The following SMCHD1 variants were observed in gnomAD, a reference collection of about 807,000 sequenced individuals.
The protein encoded by SMCHD1 is structural maintenance of chromosomes flexible hinge domain containing 1.
SMCHD1 carries 78 observed loss-of-function variants against 254.7 expected under a neutral mutation model. The observed-to-expected ratio is 0.31, with a 90% CI of 0.26 to 0.37. The LOEUF (loss-of-function observed/expected upper bound fraction) is 0.37. Ranked by LOEUF, SMCHD1 falls within the 10% of genes least tolerant of loss-of-function variation. SMCHD1 has a pLI of 1.00. For missense variants in SMCHD1, 1,840 were observed against 2,408.1 expected, an observed-to-expected ratio of 0.76 and a Z score of 4.94; for synonymous variants, 766 against 794.9, an observed-to-expected ratio of 0.96 and a Z score of 0.61.
At chr18:2,757,341 G>C (rs1024929923) in intron 34 of SMCHD1, among the ~76,000 whole-genome samples, 1 of 151,908 alleles carries the variant, frequency 6.6e-6, no homozygotes, top group African/African-American at 2.4e-5. Context: ...CTCCTTAGTA[G>C]CTAGGACTAC....
At chr18:2,690,780 A>G (rs547832452) in intron 7 of SMCHD1, among the ~76,000 whole-genome samples, 16 of 151,534 alleles carry the variant, frequency 1.1e-4, no homozygotes, top group Admixed American at 2.0e-4. Flanking sequence ...CACCACGCCC[A>G]GCCTGAATTT....
chr18:2,784,420 CACTACTT>C, intron 44 of SMCHD1, 23 bp from the exon 45 acceptor site: 1 of 1,545,634 alleles, frequency 6.5e-7, no homozygotes, highest in Non-Finnish European at 8.7e-7. Context: ...ATAAGTTGCT[CACTACTT>C]ACTATTCACT....
intron 17 of SMCHD1, among the ~76,000 whole-genome samples, chr18:2,708,803 A>ATGGGGTTTGATGGGG (rs2074582009): frequency 7.2e-6 from 1 of 139,128 alleles, no homozygotes; most frequent in Non-Finnish European, 1.5e-5. Context: ...TTTAGTAGAG[A>ATGGGGTTTGATGGGG]TGGGGTTTGA....
chr18:2,685,909 T>C (rs2074041355), intron 5 of SMCHD1, among the ~76,000 whole-genome samples: 1 of 152,252 alleles, frequency 6.6e-6, no homozygotes, highest in African/African-American at 2.4e-5. Context: ...CTTTTGATAA[T>C]GCTGCTATGA....
intron 21 of SMCHD1, among the ~76,000 whole-genome samples, chr18:2,725,541 C>T (rs1266846261): frequency 6.6e-6 from 1 of 151,792 alleles, no homozygotes; most frequent in African/African-American, 2.4e-5. Context: ...GGTAATTTTT[C>T]AGTTAGGTCT....
Position 2,707,572 on chromosome 18 carries a change from T to C in SMCHD1, c.2073T>C (p.Asp691=), listed in dbSNP as rs758721278. 1 of 1,603,500 alleles carries C rather than the reference T, an allele frequency of 6.2e-7. No homozygotes were observed. ...GCTGGTTTCATAACAGGCTCCCTGA[T>C]AGATTGTCAGTAACTTGGCCTGAAG... ...YVEDEMARLP[D]RLSVTWPEGD... Residue 691 remains aspartate, a synonymous_variant, in exon 16 of 48, where the codon GAT becomes GAC. Transcript: ENST00000320876.
intron 5 of SMCHD1, among the ~76,000 whole-genome samples, chr18:2,685,608 C>G (rs1365431009): frequency 6.6e-6 from 1 of 152,068 alleles, no homozygotes; most frequent in Admixed American, 6.5e-5. Context: ...ACAGTAACTC[C>G]CTGTTGCTCC....
chr18:2,667,723 A>G (rs1418477017), intron 3 of SMCHD1, among the ~76,000 whole-genome samples: 1 of 152,196 alleles, frequency 6.6e-6, no homozygotes, highest in African/African-American at 2.4e-5. Context: ...TTATCATTTC[A>G]GACCTTTTCA....
In SMCHD1 at chr18:2,719,518, C is replaced by T. The variant is rs1224401223; in HGVS notation, c.2458+1084C>T. On this transcript the variant is annotated intron_variant, in intron 19 of 47. Coordinates refer to ENST00000320876, the MANE Select transcript of SMCHD1 (RefSeq NM_015295.3). ...TTCACTATGTTGGCCAGGCTGGTCT[C>T]GAACTTCTGACCTCATGATCTGCCC... is the stretch of plus-strand genomic sequence containing the variant. 3.3e-5 allele frequency among the ~76,000 whole-genome samples: 5 copies of T among 151,896 alleles called. 1 individual carries two copies. The East Asian group carries it at 9.7e-4, about 29-fold the overall frequency.
At chr18:2,699,738 A>C (rs2074360140) in intron 10 of SMCHD1, among the ~76,000 whole-genome samples, 1 of 152,248 alleles carries the variant, frequency 6.6e-6, no homozygotes, top group Admixed American at 6.5e-5. Context: ...AAGAGCAAGT[A>C]AGTTGAGTGA....
intron 5 of SMCHD1, among the ~76,000 whole-genome samples, chr18:2,682,165 G>A (rs2073945144): frequency 6.6e-6 from 1 of 151,530 alleles, no homozygotes; most frequent in Non-Finnish European, 1.5e-5. Flanking sequence ...CTTAAGTTTG[G>A]TGTTTTTTTT....
intron 5 of SMCHD1, among the ~76,000 whole-genome samples, chr18:2,687,764 C>G (rs2074084885): frequency 6.6e-6 from 1 of 152,072 alleles, no homozygotes; most frequent in Non-Finnish European, 1.5e-5. Context: ...TGGTTACGTT[C>G]TTTGCATCTT....
At chr18:2,795,527 G>A (rs186385530) in intron 45 of SMCHD1, among the ~76,000 whole-genome samples, 13 of 152,200 alleles carry the variant, frequency 8.5e-5, no homozygotes, top group African/African-American at 3.1e-4. Flanking sequence ...GAAACCCCCT[G>A]TTACTCATCA....
intron 33 of SMCHD1, among the ~76,000 whole-genome samples, chr18:2,751,930 A>G (rs888039908): frequency 6.6e-6 from 1 of 152,084 alleles, no homozygotes; most frequent in Non-Finnish European, 1.5e-5. Flanking sequence ...TATTGCTAGG[A>G]TTTTACGTTC....
At chr18:2,678,235 C>CTT (rs745644387) in intron 5 of SMCHD1, among the ~76,000 whole-genome samples, 29,468 of 114,078 alleles carry the variant, frequency 0.26, 2,940 homozygotes, top group East Asian at 0.37. Context: ...TTCTTTCTTT[C>CTT]TTTCTTTCGT....
intron 5 of SMCHD1, among the ~76,000 whole-genome samples, chr18:2,687,229 T>TA (rs1201730639): frequency 2.0e-5 from 3 of 152,200 alleles, no homozygotes; most frequent in African/African-American, 7.2e-5. Flanking sequence ...ATGTAGTCCT[T>TA]AAAAAAATTA....
intron 17 of SMCHD1, among the ~76,000 whole-genome samples, chr18:2,713,359 A>T (rs1389753189): frequency 6.6e-6 from 1 of 152,078 alleles, no homozygotes; most frequent in Non-Finnish European, 1.5e-5. Context: ...TTATAATTGC[A>T]CCCTTTTTTT....
chr18:2,748,342 T>TTGTGTGTGTGTG lies in SMCHD1; in HGVS notation c.3927+725_3927+736dup, dbSNP rs1199860810. Among the ~76,000 whole-genome samples the TTGTGTGTGTGTG allele has an allele frequency of 4.6e-3, 360 of 78,422 alleles. 19 individuals are homozygous for TTGTGTGTGTGTG. The highest frequency in any genetic ancestry group is 0.018 in the African/African-American group (325 of 17,792). 51.4% of individuals were successfully genotyped at this position (78,422 alleles called of 152,430 possible). On this transcript the variant is annotated intron_variant, in intron 30 of 47. Coordinates refer to ENST00000320876, the MANE Select transcript of SMCHD1 (RefSeq NM_015295.3). ...GGAAAAGCTGCTAGTCTTTGCAAAG[T>TTGTGTGTGTGTG]TGTGTGTGTGTGTGTGTGTGTGTGT...
chr18:2,764,625 A>G (rs1490476799), intron 37 of SMCHD1, among the ~76,000 whole-genome samples: 1 of 152,206 alleles, frequency 6.6e-6, no homozygotes, highest in African/African-American at 2.4e-5. Context: ...CTGAATACAT[A>G]CATTTTTCTT....
Sources: gnomAD v4.1 joint callset for allele counts (sites outside exome capture counted in the v4.1 genomes callset) on GRCh38, gnomAD v4.1.1 for gene constraint, MANE v1.5 for transcripts, NCBI Gene and HGNC (gene_info 2026-07-23, HGNC 2026-07-21) for gene names.